C14orf39: variants seen among roughly 807,000 people sequenced by gnomAD.
The protein encoded by C14orf39 is chromosome 14 open reading frame 39.
A neutral mutation model predicts 85.6 loss-of-function variants in C14orf39; 66 were observed. That is an observed-to-expected ratio of 0.77 (90% CI 0.63 to 0.95). The LOEUF is 0.95. Among genes scored for constraint, C14orf39 ranks in the 40% least tolerant of loss-of-function variants. The pLI is 0.00. For missense variants in C14orf39, 735 were observed against 663.9 expected (o/e 1.11, Z -1.18); for synonymous variants, 242 against 214.0 (o/e 1.13, Z -1.14).
intron 16 of C14orf39, among the ~76,000 whole-genome samples, chr14:60,444,144 CA>C (rs1392985338): frequency 1.3e-5 from 2 of 152,158 alleles, no homozygotes; most frequent in African/African-American, 4.8e-5. Flanking sequence ...CTCTTCTCCT[CA>C]AAAGGATTGC....
intron 1 of C14orf39, among the ~76,000 whole-genome samples, chr14:60,501,306 C>CAAAA (rs66800067): frequency 3.8e-5 from 4 of 105,574 alleles, no homozygotes; most frequent in East Asian, 2.7e-4. Context: ...ACCCTGTCTC[C>CAAAA]AAAAAAAAAA....
intron 16 of C14orf39, among the ~76,000 whole-genome samples, chr14:60,454,021 A>T (rs1163415627): frequency 6.6e-6 from 1 of 151,952 alleles, no homozygotes; most frequent in Non-Finnish European, 1.5e-5. Flanking sequence ...TTATTATTGT[A>T]AATGAGAATT....
rs188207263 is a variant in C14orf39 at position 60,458,646 on chromosome 14, C to T, written c.1179+32G>A. 242 of 1,499,734 alleles carry T rather than the reference C, an allele frequency of 1.6e-4. No homozygotes were observed. In the African/African-American group the frequency reaches 2.8e-3, roughly 17 times the overall value. The allele number at this position is 1,499,734 out of a possible 1,614,324, so 92.9% of individuals were successfully genotyped here. A position where few individuals can be genotyped will look rare whatever the true frequency, so the allele number is the denominator to read the frequency against. On this transcript the variant is annotated intron_variant, in intron 14 of 17. Transcript: ENST00000321731. ...ATAATATTTTAAATTGGAATTTTTG[C>T]TTAGAAATTAGAGATCAAACATTTG... is the stretch of plus-strand genomic sequence containing the variant.
At chr14:60,504,692 G>A (rs1442962180) in intron 1 of C14orf39, among the ~76,000 whole-genome samples, 1 of 152,202 alleles carries the variant, frequency 6.6e-6, no homozygotes, top group East Asian at 1.9e-4. Flanking sequence ...GTAATGCAGT[G>A]ATGTGGTTAG....
intron 13 of C14orf39, 39 bp from the exon 14 acceptor site, chr14:60,458,778 AT>A (rs1229536457): frequency 1.3e-6 from 2 of 1,498,620 alleles, no homozygotes; most frequent in Admixed American, 1.9e-5. Context: ...TCTTTTTGTA[AT>A]TTTATTGTAA....
chr14:60,484,933 G>T lies in C14orf39; in HGVS notation c.54C>A (p.Phe18Leu). The T allele has an allele frequency of 6.4e-7, 1 of 1,574,748 alleles. No homozygotes were observed. Among genetic ancestry groups the T allele is most frequent in the Non-Finnish European group, 8.6e-7 (1 of 1,158,880 alleles). ...TAGTACTTATGTCTTGCTCATACTG[G>T]AAGACTAAAATAAATAATTATCTTG... ...SLDRLLLEFV[F>L]QYEQDISTKE... Residue 18 changes from phenylalanine (F) to leucine (L), a missense_variant, in exon 3 of 18, where the codon TTC (phenylalanine) becomes TTA (leucine). Physicochemically the swap from Phe to Leu is conservative, Grantham distance 22. Coordinates refer to ENST00000321731, the MANE Select transcript of C14orf39 (RefSeq NM_174978.3). The surrounding 1 kb of genome is among the most constrained non-coding windows in gnomAD (Gnocchi z 4.2).
chr14:60,504,776 C>A (rs968989361), intron 1 of C14orf39, among the ~76,000 whole-genome samples: 1 of 152,188 alleles, frequency 6.6e-6, no homozygotes, highest in Non-Finnish European at 1.5e-5. Flanking sequence ...GTTTATATTA[C>A]AAAGTGTATA....
At chr14:60,475,243 G>A (rs1393532148) in intron 5 of C14orf39, among the ~76,000 whole-genome samples, 31 of 152,074 alleles carry the variant, frequency 2.0e-4, no homozygotes. Context: ...GATCGGTGGT[G>A]ATATCCCCTT....
chr14:60,501,025 G>A (rs1893138069), intron 1 of C14orf39, among the ~76,000 whole-genome samples: 1 of 152,062 alleles, frequency 6.6e-6, no homozygotes, highest in Non-Finnish European at 1.5e-5. Flanking sequence ...GTGTGTGTGT[G>A]TAAGTGTGAG....
intron 14 of C14orf39, among the ~76,000 whole-genome samples, 168 bp from the exon 15 acceptor site, chr14:60,457,263 CA>C (rs1292670365): frequency 3.3e-5 from 5 of 151,804 alleles, no homozygotes; most frequent in African/African-American, 1.2e-4. Context: ...AAACATATAT[CA>C]AAATATAGAA....
chr14:60,474,961 G>C (rs1892297862), intron 5 of C14orf39, among the ~76,000 whole-genome samples: 1 of 152,208 alleles, frequency 6.6e-6, no homozygotes, highest in African/African-American at 2.4e-5. Context: ...GATTGGAAGA[G>C]TTTCAGAAGG....
At chr14:60,440,642 T>C (rs1890466566) in intron 17 of C14orf39, among the ~76,000 whole-genome samples, 1 of 152,130 alleles carries the variant, frequency 6.6e-6, no homozygotes. Flanking sequence ...TGTCAGATCA[T>C]TTCAGTCCTT....
At position 60,495,766 on chromosome 14, in the gene C14orf39, A is replaced by G. The variant is rs1893061507; in HGVS notation, c.-9+3530T>C. On this transcript the variant is annotated intron_variant, in intron 2 of 5. Coordinates refer to the C14orf39 transcript ENST00000556799. ...TATCAGTCCCCAAAAGCTTGCTACG[A>G]TACTTAAATTTGTGCTTGTAGACGA... 1.2e-5 allele frequency: 3 copies of G among 244,306 alleles called. No individual in the cohort carries two copies. The Admixed American group carries it at 1.4e-4, about 11-fold the overall frequency. 15.1% of individuals were successfully genotyped at this position (244,306 alleles called of 1,614,324 possible). A position where few individuals can be genotyped will look rare whatever the true frequency, so the allele number is the denominator to read the frequency against.
Position 60,483,752 on chromosome 14 carries a change from T to C in C14orf39, c.172A>G (p.Thr58Ala), listed in dbSNP as rs771803845. The change falls in exon 4 of 18, where the codon ACA becomes GCA. Residue 58 changes from threonine to alanine, a missense_variant. By Grantham distance (58) the Thr-to-Ala change is moderately conservative. Transcript: ENST00000321731. ...ICRIHETINA[T>A]DEEIDHYCKH... ...CAGTAATGATCAATTTCCTCATCTGTTGCATTTATAGTTTCGTGTATCCTA... is the reference window on the plus strand; with the variant it reads ...CAGTAATGATCAATTTCCTCATCTGCTGCATTTATAGTTTCGTGTATCCTA... The C allele has an allele frequency of 1.9e-6, 3 of 1,588,188 alleles. No individual in the cohort carries two copies. Among genetic ancestry groups the C allele is most frequent in the Admixed American group, 3.4e-5 (2 of 59,244 alleles).
intron 16 of C14orf39, among the ~76,000 whole-genome samples, chr14:60,443,118 G>A (rs1890601194): frequency 1.3e-5 from 2 of 152,118 alleles, no homozygotes; most frequent in Non-Finnish European, 2.9e-5. Context: ...ACAGAAGACA[G>A]GTGATCTCTG....
At chr14:60,477,075 A>G (rs1328695027) in intron 5 of C14orf39, among the ~76,000 whole-genome samples, 2 of 152,176 alleles carry the variant, frequency 1.3e-5, no homozygotes, top group Admixed American at 6.5e-5. Context: ...TTTAAACACT[A>G]TCCTTTCAAG....
intron 1 of C14orf39, among the ~76,000 whole-genome samples, chr14:60,514,875 G>A (rs1594633770): frequency 6.6e-6 from 1 of 152,328 alleles, no homozygotes; most frequent in Non-Finnish European, 1.5e-5. Flanking sequence ...GCCCGGGGGC[G>A]GCCGTGAATG....
rs1176943474 is a variant in C14orf39 at position 60,461,271 on chromosome 14, G to T, written c.1117+83C>A. ...CAGTTAACCAGAGATGCAAATAATC[G>T]AAACAATTTATTTGACTAATGTAAA... On this transcript the variant is annotated intron_variant, in intron 13 of 17. Coordinates refer to ENST00000321731, the MANE Select transcript of C14orf39 (RefSeq NM_174978.3). The T allele has an allele frequency of 4.0e-5, 48 of 1,210,498 alleles. No individual in the cohort carries two copies. In the South Asian group the frequency reaches 6.3e-4, roughly 16 times the overall value. The allele number at this position is 1,210,498 out of a possible 1,614,324, so 75.0% of individuals were successfully genotyped here.
chr14:60,440,500 C>T (rs1488733109), intron 17 of C14orf39, among the ~76,000 whole-genome samples: 1 of 152,178 alleles, frequency 6.6e-6, no homozygotes, highest in African/African-American at 2.4e-5. Context: ...CATGTTCTCA[C>T]CACTTCTACT....
Sources: allele counts gnomAD v4.1 joint callset (sites outside exome capture counted in the v4.1 genomes callset), GRCh38; gene constraint gnomAD v4.1.1; non-coding constraint Gnocchi (gnomAD v3.1); transcripts MANE v1.5; gene names NCBI Gene and HGNC (gene_info 2026-07-23, HGNC 2026-07-21).